S100PBP: variants seen among roughly 807,000 people sequenced by gnomAD.
S100PBP encodes S100P-binding protein.
A neutral mutation model predicts 39.9 loss-of-function variants in S100PBP; 15 were observed. That is an observed-to-expected ratio of 0.38 (90% CI 0.25 to 0.58). The LOEUF (loss-of-function observed/expected upper bound fraction) is 0.58, where lower values mean the gene tolerates loss of function less well. S100PBP is among the 20% of genes least tolerant of loss of function. S100PBP has a pLI of 0.70. For synonymous variants in S100PBP, 178 were observed against 180.3 expected, an observed-to-expected ratio of 0.99 and a Z score of 0.10; for missense variants, 504 against 487.3, an observed-to-expected ratio of 1.03 and a Z score of -0.32.
At chr1:32,818,792 T>C (rs1195877324) in intron 1 of S100PBP, 1 of 152,238 alleles carries the variant, frequency 6.6e-6, no homozygotes, top group African/African-American at 2.4e-5. Context: ...TTGTAAATGT[T>C]GTGCCTATTT....
chr1:32,816,997 A>T (rs142948706), upstream of S100PBP: 43 of 709,124 alleles, frequency 6.1e-5, no homozygotes, highest in East Asian at 1.2e-3. Flanking sequence ...GCCCACTGTG[A>T]TTTCTGGGGA....
At chr1:32,817,216 T>G, upstream of S100PBP, 1 of 1,614,204 alleles carries the variant, frequency 6.2e-7, no homozygotes, top group South Asian at 1.1e-5. Context: ...AAGGTGCAGT[T>G]TCTCTTCAGG....
rs1215927015 is a variant in S100PBP, at chr1:32,857,154, C to G, written c.*1116C>G. 1.3e-5 allele frequency: 2 copies of G among 152,140 alleles called. No individual in the cohort carries two copies. The highest frequency in any genetic ancestry group is 4.8e-5 in the African/African-American group (2 of 41,428). The allele number at this position is 152,140 out of a possible 1,614,324, so 9.4% of individuals were successfully genotyped here. A position where few individuals can be genotyped will look rare whatever the true frequency, so the allele number is the denominator to read the frequency against. ...CCTGGATGTTACCATCTCATTTGGT[C>G]AAGCCCCTGATACCTAGTTTCACAT... On this transcript the variant is annotated 3_prime_UTR_variant, in exon 7 of 7. Coordinates refer to ENST00000373475, the MANE Select transcript of S100PBP (RefSeq NM_022753.4).
chr1:32,826,193 G>C lies in S100PBP; in HGVS notation c.94G>C (p.Asp32His). The C allele has an allele frequency of 6.2e-7, 1 of 1,614,166 alleles. No individual in the cohort carries two copies. Among genetic ancestry groups the C allele is most frequent in the Non-Finnish European group, 8.5e-7 (1 of 1,180,016 alleles). Residue 32 changes from aspartate (D) to histidine (H), a missense_variant, in exon 3 of 7, where the codon GAT becomes CAT. Physicochemically the swap from Asp to His is moderately conservative, Grantham distance 81. Coordinates refer to ENST00000373475, the MANE Select transcript of S100PBP (RefSeq NM_022753.4). ...APFSWDSLDE[D>H]GLDDSLLELS... ...ATTTTCTTGGGATTCCTTGGATGAGGATGGATTGGATGACTCCTTGCTGGA... is the reference window on the plus strand; with the variant it reads ...ATTTTCTTGGGATTCCTTGGATGAGCATGGATTGGATGACTCCTTGCTGGA...
At chr1:32,832,792 A>G (rs1410045863) in intron 5 of S100PBP, among the ~76,000 whole-genome samples, 1 of 152,240 alleles carries the variant, frequency 6.6e-6, no homozygotes, top group East Asian at 1.9e-4. Flanking sequence ...TATCAGACAC[A>G]GAGAAATTAG....
chr1:32,831,040 G>A (rs1423231971), intron 5 of S100PBP, among the ~76,000 whole-genome samples: 4 of 149,790 alleles, frequency 2.7e-5, no homozygotes, highest in Admixed American at 6.7e-5. Context: ...AGATCATGCC[G>A]TCGCACTTTA....
intron 5 of S100PBP, among the ~76,000 whole-genome samples, chr1:32,837,565 CAAAA>C (rs1278688029): frequency 1.2e-5 from 1 of 82,056 alleles, no homozygotes; most frequent in Non-Finnish European, 2.6e-5. Context: ...AACTCCGTCT[CAAAA>C]AAAAAAAAAA....
Position 32,824,828 on chromosome 1 carries a change from A to ATATATATATATATATATATATATATG in S100PBP, c.-119-467_-119-466insTATATATGTATATATATATATATATA, listed in dbSNP as rs1491516284. The ATATATATATATATATATATATATATG allele has an allele frequency of 3.4e-3, 6 of 1,790 alleles. No homozygotes were observed. The Admixed American group carries it at 0.091, about 27-fold the overall frequency. The allele number at this position is 1,790 out of a possible 1,614,324, so 0.1% of individuals were successfully genotyped here. ...TTTTTTTTTTGCATTTTTTCTATACATATATATATATATATATAAAGATTT... is the reference window on the plus strand; with the variant it reads ...TTTTTTTTTTGCATTTTTTCTATACATATATATATATATATATATATATATGTATATATATATATATATAAAGATTT... On this transcript the variant is annotated intron_variant, in intron 1 of 6. Coordinates refer to ENST00000373475, the MANE Select transcript of S100PBP (RefSeq NM_022753.4).
intron 5 of S100PBP, among the ~76,000 whole-genome samples, chr1:32,844,420 G>A (rs2148678970): frequency 6.6e-6 from 1 of 152,262 alleles, no homozygotes; most frequent in East Asian, 1.9e-4. Context: ...CAGTGCTTTG[G>A]GAGGCCAATG....
intron 5 of S100PBP, among the ~76,000 whole-genome samples, chr1:32,845,327 C>T (rs1640317525): frequency 6.6e-6 from 1 of 152,024 alleles, no homozygotes. Flanking sequence ...CTTGTAGTCC[C>T]AGCTACTTGG....
intron 1 of S100PBP, chr1:32,818,590 C>A (rs1311792632): frequency 6.6e-6 from 1 of 152,232 alleles, no homozygotes; most frequent in East Asian, 1.9e-4. Flanking sequence ...GAAAAGAAAC[C>A]TGTTGCTGCA....
At chr1:32,825,179 A>G (rs553338250) in intron 1 of S100PBP, 134 bp from the exon 2 acceptor site, 1 of 152,310 alleles carries the variant, frequency 6.6e-6, no homozygotes, top group East Asian at 1.9e-4. Context: ...CAGAAAATCC[A>G]ACTTTCTGGT....
chr1:32,829,441 T>C (rs1639491324), intron 4 of S100PBP, among the ~76,000 whole-genome samples: 1 of 152,212 alleles, frequency 6.6e-6, no homozygotes, highest in Non-Finnish European at 1.5e-5. Flanking sequence ...TGTATCTATT[T>C]CCTTCTCTTC....
intron 1 of S100PBP, among the ~76,000 whole-genome samples, chr1:32,823,215 GC>G (rs1302111426): frequency 6.6e-6 from 1 of 152,188 alleles, no homozygotes; most frequent in African/African-American, 2.4e-5. Context: ...GGGGGCAATG[GC>G]CCAGAAAGGG....
At chr1:32,846,392 C>CT (rs1640379618) in intron 5 of S100PBP, among the ~76,000 whole-genome samples, 1 of 149,054 alleles carries the variant, frequency 6.7e-6, no homozygotes, top group Non-Finnish European at 1.5e-5. Context: ...CAATCTCAGT[C>CT]TTTAATTGGA....
chr1:32,828,445 A>G (rs1639437304), intron 4 of S100PBP, among the ~76,000 whole-genome samples: 1 of 152,168 alleles, frequency 6.6e-6, no homozygotes, highest in Admixed American at 6.5e-5. Context: ...TTAAAATACA[A>G]GTAGTAGAAA....
At chr1:32,822,706 A>C (rs139848925) in intron 1 of S100PBP, among the ~76,000 whole-genome samples, 1 of 151,728 alleles carries the variant, frequency 6.6e-6, no homozygotes. Context: ...CCTCCTCTCT[A>C]TATATACCAT....
At chr1:32,830,544 C>T (rs1209004194) in intron 5 of S100PBP, among the ~76,000 whole-genome samples, 4 of 149,700 alleles carry the variant, frequency 2.7e-5, no homozygotes, top group Middle Eastern at 3.2e-3. Context: ...CCAGATCCTT[C>T]AAGTTGTGTT....
At chr1:32,837,175 A>G (rs1184555158) in intron 5 of S100PBP, 4 of 150,916 alleles carry the variant, frequency 2.7e-5, no homozygotes, top group Non-Finnish European at 5.9e-5. Context: ...AAAAAAAAAA[A>G]AAAGAAATTT....
Sources: allele counts gnomAD v4.1 joint callset (sites outside exome capture counted in the v4.1 genomes callset), GRCh38; gene constraint gnomAD v4.1.1; transcripts MANE v1.5; gene names NCBI Gene and HGNC (gene_info 2026-07-23, HGNC 2026-07-21).